Variants in MYLK observed in about 807,000 individuals in gnomAD.
The protein encoded by MYLK is myosin light chain kinase, smooth muscle.
MYLK carries 106 observed loss-of-function variants against 203.4 expected under a neutral mutation model. That is an observed-to-expected ratio of 0.52 (90% CI 0.45 to 0.61). MYLK has a LOEUF of 0.61. Among genes scored for constraint, MYLK ranks in the 20% least tolerant of loss-of-function variants. MYLK has a pLI of 0.00. For missense variants in MYLK, 2,072 were observed against 2,442.3 expected (o/e 0.85, Z 3.20); for synonymous variants, 867 against 959.5 (o/e 0.90, Z 1.78).
intron 3 of MYLK, chr3:123,814,108 C>T (rs980844315): frequency 1.8e-5 from 6 of 325,082 alleles, no homozygotes; most frequent in African/African-American, 4.4e-5. Flanking sequence ...GCCTGCCCTG[C>T]CTGTGTAGGC....
chr3:123,787,448 C>G (rs1237924933), intron 4 of MYLK, among the ~76,000 whole-genome samples: 1 of 152,084 alleles, frequency 6.6e-6, no homozygotes, highest in Non-Finnish European at 1.5e-5. Flanking sequence ...TGGCAAGACA[C>G]CGGGAGTCTT....
intron 23 of MYLK, among the ~76,000 whole-genome samples, chr3:123,663,827 C>T (rs901739929): frequency 1.3e-4 from 20 of 152,088 alleles, no homozygotes; most frequent in Non-Finnish European, 2.4e-4. Flanking sequence ...GGCCTGAGGG[C>T]GGGGAACTCC....
intron 4 of MYLK, among the ~76,000 whole-genome samples, chr3:123,788,984 A>G (rs1442115465): frequency 1.3e-5 from 2 of 152,168 alleles, no homozygotes; most frequent in African/African-American, 4.8e-5. Flanking sequence ...GTAGAAGGGA[A>G]GAAATCTCCA....
In MYLK at chr3:123,613,756, T is replaced by A; in HGVS notation, c.*349A>T. On this transcript the variant is annotated 3_prime_UTR_variant, in exon 34 of 34. Coordinates refer to ENST00000360304, the MANE Select transcript of MYLK (RefSeq NM_053025.4). ...GTGGCCCAGAACTCTTGTTTTGGCC[T>A]TATTTTTCATGAGCGCATTCAAGTG... 3.1e-6 allele frequency: 1 copy of A among 323,152 alleles called. No homozygotes were observed. Among genetic ancestry groups the A allele is most frequent in the South Asian group, 2.7e-5 (1 of 36,392 alleles). The allele number at this position is 323,152 out of a possible 1,614,324, so 20.0% of individuals were successfully genotyped here.
chr3:123,741,508 C>T (rs535596528), intron 5 of MYLK, among the ~76,000 whole-genome samples: 1 of 152,198 alleles, frequency 6.6e-6, no homozygotes, highest in African/African-American at 2.4e-5. Flanking sequence ...AAGGACCCAA[C>T]TGACAGTCAA....
intron 2 of MYLK, among the ~76,000 whole-genome samples, chr3:123,860,966 T>A (rs1577141283): frequency 3.9e-5 from 6 of 151,950 alleles, no homozygotes; most frequent in Admixed American, 3.9e-4. Flanking sequence ...CCGTCTCTAC[T>A]AAAAATACAA....
At chr3:123,839,599 C>T (rs1028895414) in intron 2 of MYLK, among the ~76,000 whole-genome samples, 4 of 152,012 alleles carry the variant, frequency 2.6e-5, no homozygotes, top group African/African-American at 7.2e-5. Flanking sequence ...TAGGAAAATC[C>T]GCAATTGTAG....
chr3:123,655,969 T>C (rs758263456), intron 24 of MYLK, among the ~76,000 whole-genome samples: 10 of 152,228 alleles, frequency 6.6e-5, no homozygotes, highest in Non-Finnish European at 1.0e-4. Context: ...CTGTAAGTCA[T>C]CTTAGAATCT....
intron 3 of MYLK, 57 bp downstream of exon 3, chr3:123,831,491 C>A: frequency 1.6e-6 from 2 of 1,217,834 alleles, no homozygotes; most frequent in Non-Finnish European, 2.2e-6. Context: ...CTGCAGCCTC[C>A]CCAGGGTGGA....
At chr3:123,775,745 C>T (rs1428669027) in intron 4 of MYLK, among the ~76,000 whole-genome samples, 1 of 152,156 alleles carries the variant, frequency 6.6e-6, no homozygotes, top group Non-Finnish European at 1.5e-5. Flanking sequence ...CAACATTCGA[C>T]CCTGTGTGGC....
chr3:123,884,236 G>A lies in MYLK; in HGVS notation c.-216C>T, dbSNP rs1224176400. 1 of 150,050 alleles carries A rather than the reference G, an allele frequency of 6.7e-6. No individual in the cohort carries two copies. Among genetic ancestry groups the A allele is most frequent in the Non-Finnish European group, 1.5e-5 (1 of 67,422 alleles). 9.3% of individuals were successfully genotyped at this position (150,050 alleles called of 1,614,324 possible). Reference sequence around the variant, plus strand: ...CGGCGAAGGCGGCCCGGGAGCCGGGGCACCGGCGCTCGGCGGGGCGCCCCG... The same window carrying A: ...CGGCGAAGGCGGCCCGGGAGCCGGGACACCGGCGCTCGGCGGGGCGCCCCG... On this transcript the variant is annotated 5_prime_UTR_variant, in exon 1 of 34. Coordinates refer to ENST00000360304, the MANE Select transcript of MYLK (RefSeq NM_053025.4).
rs942948516 is a variant in MYLK at position 123,767,163 on chromosome 3, G to A, written c.166-14625C>T. 5.9e-5 allele frequency among the ~76,000 whole-genome samples: 9 copies of A among 152,314 alleles called. 1 individual carries two copies. In the Middle Eastern group the frequency reaches 0.01, roughly 173 times the overall value. On this transcript the variant is annotated intron_variant, in intron 4 of 33. Coordinates refer to ENST00000360304, the MANE Select transcript of MYLK (RefSeq NM_053025.4). The stretch of plus-strand genomic sequence containing the variant: ...TGATCCTCGGGGAGGAAGAATTGGC[G>A]GGGGCTGGGGCCCAGCTGAGCCACT...
At position 123,657,260 on chromosome 3, in the gene MYLK, C is replaced by T. The variant is rs762795374; in HGVS notation, c.4154G>A (p.Arg1385His). ...NKTWKELATC[R>H]STSFNVQDLL... ...GTCCTGGACGTTGAAAGAGGTGCTG[C>T]GGCATGTGGCTAGTTCCTTCCACGT... is the stretch of plus-strand genomic sequence containing the variant. Residue 1385 changes from arginine to histidine, a missense_variant, in exon 24 of 34, where the codon CGC (arginine) becomes CAC (histidine). Physicochemically the swap from Arg to His is conservative, Grantham distance 29 (BLOSUM62 0). Transcript: ENST00000360304. The T allele has an allele frequency of 2.3e-5, 37 of 1,613,950 alleles. No homozygotes were observed. The highest frequency in any genetic ancestry group is 1.0e-4 in the Admixed American group (6 of 59,994).
At chr3:123,738,144 T>C (rs1404019175) in intron 7 of MYLK, among the ~76,000 whole-genome samples, 1 of 152,002 alleles carries the variant, frequency 6.6e-6, no homozygotes, top group Non-Finnish European at 1.5e-5. Context: ...GGTGGTATTA[T>C]TTCTATCTCA....
intron 33 of MYLK, 68 bp from the exon 34 acceptor site, chr3:123,614,417 G>A: frequency 1.3e-6 from 2 of 1,597,142 alleles, no homozygotes; most frequent in Non-Finnish European, 1.7e-6. Context: ...ACTCATGCAA[G>A]CAACTTGTAA....
At chr3:123,768,824 TA>T (rs2108971346) in intron 4 of MYLK, among the ~76,000 whole-genome samples, 1 of 152,306 alleles carries the variant, frequency 6.6e-6, no homozygotes, top group Non-Finnish European at 1.5e-5. Flanking sequence ...GTGAACAGGA[TA>T]GGGGCCTTAG....
Position 123,721,963 on chromosome 3 carries a change from C to G in MYLK, c.1804+165G>C, listed in dbSNP as rs2062104403. Among the ~76,000 whole-genome samples, 2 of 152,086 alleles carry G rather than the reference C, an allele frequency of 1.3e-5. 1 individual carries two copies. Among genetic ancestry groups the G allele is most frequent in the South Asian group, 4.2e-4 (2 of 4,808 alleles). On this transcript the variant is annotated intron_variant, in intron 13 of 33. Coordinates refer to ENST00000360304, the MANE Select transcript of MYLK (RefSeq NM_053025.4). ...CCCTAAGAGGTTGCAGCAGCCACTC[C>G]TCTGTCACGGCACCTGCCGCTGCCA...
At chr3:123,879,513 TTC>T (rs1361414093) in intron 1 of MYLK, among the ~76,000 whole-genome samples, 1 of 152,172 alleles carries the variant, frequency 6.6e-6, no homozygotes, top group Non-Finnish European at 1.5e-5. Context: ...CATCCTTTAA[TTC>T]TGTTAATGAA....
intron 3 of MYLK, among the ~76,000 whole-genome samples, chr3:123,830,796 T>C (rs574479965): frequency 8.5e-5 from 13 of 152,280 alleles, no homozygotes; most frequent in African/African-American, 2.9e-4. Context: ...ACCACCTTCC[T>C]CACTGCTAAA....
Sources: allele counts gnomAD v4.1 joint callset (sites outside exome capture counted in the v4.1 genomes callset), GRCh38; gene constraint gnomAD v4.1.1; transcripts MANE v1.5; gene names NCBI Gene and HGNC (gene_info 2026-07-23, HGNC 2026-07-21).